The following ZER1 variants were observed in gnomAD, a reference collection of about 807,000 sequenced individuals.
ZER1 encodes protein zer-1 homolog.
In ZER1, 11 loss-of-function variants were observed where a neutral mutation model predicts 78.8. That is an observed-to-expected ratio of 0.14 (90% CI 0.09 to 0.23). The LOEUF is 0.23. Ranked by LOEUF, ZER1 falls within the 10% of genes least tolerant of loss-of-function variation. ZER1 has a pLI of 1.00. For missense variants in ZER1, 588 were observed against 996.9 expected, an observed-to-expected ratio of 0.59 and a Z score of 5.52; for synonymous variants, 400 against 407.0, an observed-to-expected ratio of 0.98 and a Z score of 0.21.
chr9:128,750,498 TG>T, intron 8 of ZER1, 117 bp downstream of exon 8: 1 of 1,208,950 alleles, frequency 8.3e-7, no homozygotes, highest in Non-Finnish European at 1.2e-6. Flanking sequence ...AGTGCTGCTG[TG>T]GGAAAGGGAG....
intron 14 of ZER1, among the ~76,000 whole-genome samples, 175 bp from the exon 15 acceptor site, chr9:128,733,703 G>A (rs1039259830): frequency 1.3e-5 from 2 of 151,700 alleles, no homozygotes; most frequent in South Asian, 4.2e-4. Flanking sequence ...CCATGGGTGG[G>A]AGTTCTGCGT....
rs1232758405 is a variant in ZER1 at position 128,751,279 on chromosome 9, G to C, written c.1039-11C>G. On this transcript the variant is annotated splice_polypyrimidine_tract_variant and intron_variant, in intron 6 of 15. Coordinates refer to ENST00000291900, the MANE Select transcript of ZER1 (RefSeq NM_006336.4). This position sits in a 1 kb window ranked among gnomAD's most constrained non-coding sequence, Gnocchi z 5.4. ...TTTGTCACCACTTACCTGCGGGTGG[G>C]ACACGCTCAGAACAACCCAGCAGAG... 9 of 1,597,646 alleles carry C rather than the reference G, an allele frequency of 5.6e-6. No individual in the cohort carries two copies. The highest frequency in any genetic ancestry group is 1.7e-4 in the Middle Eastern group (1 of 6,050).
At chr9:128,768,927 G>C (rs1395511994) in intron 1 of ZER1, among the ~76,000 whole-genome samples, 1 of 152,034 alleles carries the variant, frequency 6.6e-6, no homozygotes, top group Non-Finnish European at 1.5e-5. Flanking sequence ...TGGTAGAATG[G>C]AAATTTGCTG....
At chr9:128,745,430 T>C (rs1405986808) in intron 8 of ZER1, among the ~76,000 whole-genome samples, 1 of 152,036 alleles carries the variant, frequency 6.6e-6, no homozygotes, top group Non-Finnish European at 1.5e-5. Context: ...GGCATGATCC[T>C]GGCTCGCTGC....
intron 14 of ZER1, among the ~76,000 whole-genome samples, chr9:128,734,055 G>A (rs1404547751): frequency 1.9e-5 from 2 of 107,224 alleles, no homozygotes; most frequent in African/African-American, 6.5e-5. Flanking sequence ...GTGAACCCGG[G>A]AGGCGGAGCT....
intron 8 of ZER1, among the ~76,000 whole-genome samples, chr9:128,743,643 T>A (rs1483440088): frequency 6.6e-6 from 1 of 151,998 alleles, no homozygotes; most frequent in African/African-American, 2.4e-5. Context: ...TGGCCTCTAC[T>A]TCCTGGGTTC....
At position 128,740,750 on chromosome 9, in the gene ZER1, G is replaced by A; in HGVS notation, c.1853+22C>T. 1 of 780,076 alleles carries A rather than the reference G, an allele frequency of 1.3e-6. No homozygotes were observed. Among genetic ancestry groups the A allele is most frequent in the Non-Finnish European group, 2.4e-6 (1 of 417,650 alleles). The allele number at this position is 780,076 out of a possible 1,614,324, so 48.3% of individuals were successfully genotyped here. On this transcript the variant is annotated intron_variant, in intron 12 of 15. Transcript: ENST00000291900. This position sits in a 1 kb window ranked among gnomAD's most constrained non-coding sequence, Gnocchi z 4.4. ...GCATTGTGGCAGCTAAGGCAAAAAG[G>A]GAAAGGATTAAAAATACCAACCTGA...
rs757577411 is a variant in ZER1 at position 128,753,617 on chromosome 9, C to T, written c.310-17G>A. 6.2e-7 allele frequency: 1 copy of T among 1,609,428 alleles called. No homozygotes were observed. Among genetic ancestry groups the T allele is most frequent in the South Asian group, 1.1e-5 (1 of 90,972 alleles). ...CACCAGGTCCTGGGAGTGGGCACAG[C>T]TCCATCATCATCACCACCCTTGCCC... On this transcript the variant is annotated splice_polypyrimidine_tract_variant and intron_variant, in intron 3 of 15. Transcript: ENST00000291900. The surrounding 1 kb of genome is among the most constrained non-coding windows in gnomAD (Gnocchi z 7.5).
At chr9:128,741,977 TG>T in intron 9 of ZER1, 136 bp from the exon 10 acceptor site, 2 of 1,178,320 alleles carry the variant, frequency 1.7e-6, no homozygotes, top group African/African-American at 1.5e-5. Context: ...TCCCTATATT[TG>T]GGGGAGGCTA....
At chr9:128,733,180 A>G (rs1198016824) in intron 15 of ZER1, 4 of 462,474 alleles carry the variant, frequency 8.6e-6, no homozygotes, top group African/African-American at 5.8e-5. Flanking sequence ...AATAAAAGAA[A>G]ACTAAGCTTA....
In ZER1 at chr9:128,740,139, A is replaced by T. The variant is rs764041722; in HGVS notation, c.1854-20T>A. On this transcript the variant is annotated intron_variant, in intron 12 of 15. Transcript: ENST00000291900. The surrounding 1 kb of genome is among the most constrained non-coding windows in gnomAD (Gnocchi z 4.4). ...AGGTTGCTGCCAGGAGAAAGACAGA[A>T]AAATGGAGTCCCACTCCCCCAGTTT... The T allele has an allele frequency of 6.4e-6, 10 of 1,574,046 alleles. No homozygotes were observed.
chr9:128,770,686 A>G (rs1864356160), intron 1 of ZER1, among the ~76,000 whole-genome samples: 2 of 152,174 alleles, frequency 1.3e-5, no homozygotes, highest in Non-Finnish European at 2.9e-5. Flanking sequence ...AAATGAACCA[A>G]AGTAGCGAGG....
At chr9:128,735,675 A>C (rs558926299) in intron 13 of ZER1, among the ~76,000 whole-genome samples, 4 of 150,738 alleles carry the variant, frequency 2.7e-5, no homozygotes, top group Non-Finnish European at 5.9e-5. Flanking sequence ...GAGGAGCAGA[A>C]AGCTGGAGAC....
Position 128,746,642 on chromosome 9 carries a change from T to C in ZER1, c.1360-3897A>G, listed in dbSNP as rs76941007. On this transcript the variant is annotated intron_variant, in intron 8 of 15. Transcript: ENST00000291900. ...CACACCCAGCTAATTAAAAAAAAAT[T>C]TTTTTTTTTTGAGACAGAGTTTCAC... Among the ~76,000 whole-genome samples the C allele has an allele frequency of 5.6e-3, 843 of 150,278 alleles. 6 individuals are homozygous for C. The highest frequency in any genetic ancestry group is 0.02 in the African/African-American group (809 of 41,040).
rs1303535109 is a variant in ZER1, at chr9:128,754,258, C to G, written c.159-299G>C. On this transcript the variant is annotated intron_variant, in intron 2 of 15. Coordinates refer to ENST00000291900, the MANE Select transcript of ZER1 (RefSeq NM_006336.4). This position sits in a 1 kb window ranked among gnomAD's most constrained non-coding sequence, Gnocchi z 4.3. ...GCACACTGCAGGGGCAGCAGCCCCACTGGCATGGCCACTCTCGTCACCTTC... is the reference window on the plus strand; with the variant it reads ...GCACACTGCAGGGGCAGCAGCCCCAGTGGCATGGCCACTCTCGTCACCTTC... Among the ~76,000 whole-genome samples, 1 of 152,214 alleles carries G rather than the reference C, an allele frequency of 6.6e-6. No homozygotes were observed. The highest frequency in any genetic ancestry group is 1.5e-5 in the Non-Finnish European group (1 of 68,038).
In ZER1 at chr9:128,733,900, C is replaced by T. The variant is rs561552960; in HGVS notation, c.2141-372G>A. Among the ~76,000 whole-genome samples the T allele has an allele frequency of 6.2e-4, 86 of 139,628 alleles. No individual in the cohort carries two copies. In the Middle Eastern group the frequency reaches 0.015, roughly 24 times the overall value. The allele number at this position is 139,628 out of a possible 152,430, so 91.6% of individuals were successfully genotyped here. On this transcript the variant is annotated intron_variant, in intron 14 of 15. Coordinates refer to ENST00000291900, the MANE Select transcript of ZER1 (RefSeq NM_006336.4). The stretch of plus-strand genomic sequence containing the variant: ...ATCCCAGCACTTTGGGAGGCCGAGA[C>T]GGGCGGATCACGAGGTCAGGAGATC...
At chr9:128,736,946 C>G (rs1181383542) in intron 13 of ZER1, among the ~76,000 whole-genome samples, 1 of 151,926 alleles carries the variant, frequency 6.6e-6, no homozygotes, top group Non-Finnish European at 1.5e-5. Flanking sequence ...GAGTTTGAGA[C>G]CAACCTGGGC....
rs1263524220 is a variant in ZER1, at chr9:128,753,186, T to C, written c.724A>G (p.Ile242Val). 1.3e-6 allele frequency: 2 copies of C among 1,554,998 alleles called. No individual in the cohort carries two copies. The highest frequency in any genetic ancestry group is 2.4e-5 in the East Asian group (1 of 41,640). Reference sequence around the variant, plus strand: ...CACCGCAGCTTGTGCAGCTGCACGATGACCCGGATGTGGTCGTCGGACAGG... The same window carrying C: ...CACCGCAGCTTGTGCAGCTGCACGACGACCCGGATGTGGTCGTCGGACAGG... ...MDLSDDHIRV[I>V]VQLHKLRHLD... Residue 242 changes from isoleucine to valine, a missense_variant, in exon 4 of 16, where the codon ATC (isoleucine) becomes GTC (valine). Physicochemically the swap from Ile to Val is conservative, Grantham distance 29. Transcript: ENST00000291900. This position sits in a 1 kb window ranked among gnomAD's most constrained non-coding sequence, Gnocchi z 7.5.
At position 128,753,614 on chromosome 9, in the gene ZER1, C is replaced by T. The variant is rs1296555960; in HGVS notation, c.310-14G>A. ...CTCCACCAGGTCCTGGGAGTGGGCA[C>T]AGCTCCATCATCATCACCACCCTTG... On this transcript the variant is annotated splice_polypyrimidine_tract_variant and intron_variant, in intron 3 of 15. Transcript: ENST00000291900. This position sits in a 1 kb window ranked among gnomAD's most constrained non-coding sequence, Gnocchi z 7.5. 6.2e-7 allele frequency: 1 copy of T among 1,609,492 alleles called. No homozygotes were observed. The highest frequency in any genetic ancestry group is 1.3e-5 in the African/African-American group (1 of 74,844).
Sources: gnomAD v4.1 joint callset for allele counts (sites outside exome capture counted in the v4.1 genomes callset) on GRCh38, gnomAD v4.1.1 for gene constraint, Gnocchi (gnomAD v3.1) non-coding constraint, MANE v1.5 for transcripts, NCBI Gene and HGNC (gene_info 2026-07-23, HGNC 2026-07-21) for gene names.